Variants in MKX observed in about 807,000 individuals in gnomAD.
MKX encodes the protein homeobox protein Mohawk.
MKX carries 13 observed loss-of-function variants against 36.0 expected under a neutral mutation model. The ratio of observed to expected loss-of-function variants is 0.36; its 90% CI spans 0.24 to 0.57. MKX has a LOEUF of 0.57. MKX is among the 20% of genes least tolerant of loss of function. MKX has a pLI of 0.79. For synonymous variants in MKX, 176 were observed against 178.3 expected (o/e 0.99, Z 0.10); for missense variants, 458 against 456.4 (o/e 1.00, Z -0.03).
intron 5 of MKX, among the ~76,000 whole-genome samples, chr10:27,698,190 T>C (rs1370961536): frequency 2.0e-5 from 3 of 152,148 alleles, no homozygotes; most frequent in Admixed American, 1.3e-4. Flanking sequence ...AGCTGGAAAA[T>C]GAACCGAGAG....
chr10:27,702,262 T>C (rs1455910924), intron 5 of MKX, among the ~76,000 whole-genome samples: 1 of 152,170 alleles, frequency 6.6e-6, no homozygotes, highest in Non-Finnish European at 1.5e-5. Flanking sequence ...TACGAGGTCC[T>C]AAGAGAGAGA....
chr10:27,707,373 G>A (rs534918584), intron 5 of MKX, among the ~76,000 whole-genome samples: 16 of 152,078 alleles, frequency 1.1e-4, no homozygotes, highest in Non-Finnish European at 1.6e-4. Context: ...TTAAAAAAAC[G>A]AAATTGAAAT....
intron 5 of MKX, among the ~76,000 whole-genome samples, chr10:27,733,641 G>T (rs762888899): frequency 7.2e-5 from 11 of 152,110 alleles, no homozygotes; most frequent in Non-Finnish European, 1.0e-4. Context: ...AATCTCATTT[G>T]CTGACATTTT....
In MKX at chr10:27,744,591, G is replaced by T. The variant is rs1835005364; in HGVS notation, c.-82-1094C>A. On this transcript the variant is annotated intron_variant, in intron 1 of 6. Transcript: ENST00000419761. The surrounding 1 kb of genome is among the most constrained non-coding windows in gnomAD (Gnocchi z 5.6). ...CGGACTTCGCCCGCCCCATCTCCTC[G>T]CCTCGCGCCTCGGGACAGCTCCCGT... 6.6e-6 allele frequency among the ~76,000 whole-genome samples: 1 copy of T among 152,072 alleles called. No homozygotes were observed. The highest frequency in any genetic ancestry group is 1.5e-5 in the Non-Finnish European group (1 of 67,988).
chr10:27,676,548 T>C (rs1332708345), intron 5 of MKX, among the ~76,000 whole-genome samples: 1 of 151,952 alleles, frequency 6.6e-6, no homozygotes, highest in Non-Finnish European at 1.5e-5. Context: ...CGGCTAATTT[T>C]TGTATTTTTA....
chr10:27,679,126 T>A (rs1413291554), intron 5 of MKX, among the ~76,000 whole-genome samples: 1 of 146,576 alleles, frequency 6.8e-6, no homozygotes, highest in Admixed American at 6.8e-5. Context: ...TGTCGGGAGG[T>A]GGGGGGCTGG....
In MKX at chr10:27,687,027, C is replaced by T. The variant is rs1445512449; in HGVS notation, c.839-11473G>A. On this transcript the variant is annotated intron_variant, in intron 5 of 6. Transcript: ENST00000419761. ...CCTCTCTCTTTTTTTTTTTTTGAAA[C>T]GGAGTCTCGCTCTGTTGTTCAGGCT... Among the ~76,000 whole-genome samples the T allele has an allele frequency of 1.5e-4, 22 of 148,402 alleles. No individual in the cohort carries two copies. The East Asian group carries it at 2.4e-3, about 16-fold the overall frequency.
At position 27,711,476 on chromosome 10, in the gene MKX, TTTC is replaced by T. The variant is rs1589675895; in HGVS notation, c.838+22977_838+22979del. On this transcript the variant is annotated intron_variant, in intron 5 of 6. Transcript: ENST00000419761. ...CTTTCTTTCTTTCTTTCTTTCTTTC[TTTC>T]TTTCTCTCTCTCTCTCTTCTTTCCT... Among the ~76,000 whole-genome samples, 4 of 6,008 alleles carry T rather than the reference TTTC, an allele frequency of 6.7e-4. No individual in the cohort carries two copies. The East Asian group carries it at 0.011, about 17-fold the overall frequency. 3.9% of individuals were successfully genotyped at this position (6,008 alleles called of 152,430 possible).
intron 5 of MKX, among the ~76,000 whole-genome samples, chr10:27,696,166 T>C (rs1044860482): frequency 6.6e-6 from 1 of 152,128 alleles, no homozygotes; most frequent in Non-Finnish European, 1.5e-5. Flanking sequence ...GGACCTCCGA[T>C]ATTGGGGTTT....
chr10:27,676,202 G>C (rs374767281), intron 5 of MKX, among the ~76,000 whole-genome samples: 50 of 151,668 alleles, frequency 3.3e-4, no homozygotes, highest in African/African-American at 1.0e-3. Flanking sequence ...TGAGCCCAGG[G>C]GGGTGAAGGT....
chr10:27,706,506 T>C (rs1252813382), intron 5 of MKX, among the ~76,000 whole-genome samples: 1 of 151,656 alleles, frequency 6.6e-6, no homozygotes, highest in Non-Finnish European at 1.5e-5. Flanking sequence ...TGCTCAAGGG[T>C]CCTGATTTTT....
chr10:27,725,673 C>T (rs1030857901), intron 5 of MKX, among the ~76,000 whole-genome samples: 50 of 131,552 alleles, frequency 3.8e-4, no homozygotes, highest in African/African-American at 1.2e-3. Flanking sequence ...CTGCAACTAA[C>T]AAAAAAAAAA....
chr10:27,690,750 A>C (rs16928167), intron 5 of MKX, among the ~76,000 whole-genome samples: 2,054 of 152,230 alleles, frequency 0.013, 44 homozygotes, highest in African/African-American at 0.047. Flanking sequence ...GGGCCACTCC[A>C]AGCTCCATAA....
At chr10:27,697,075 T>C (rs1204092876) in intron 5 of MKX, among the ~76,000 whole-genome samples, 1 of 152,234 alleles carries the variant, frequency 6.6e-6, no homozygotes, top group Non-Finnish European at 1.5e-5. Context: ...TTCTCAGATT[T>C]ACTGGTGCAA....
chr10:27,711,506 C>CCTTT (rs1836869464), intron 5 of MKX, among the ~76,000 whole-genome samples: 1 of 20,856 alleles, frequency 4.8e-5, no homozygotes, highest in Non-Finnish European at 1.7e-4. Context: ...TTCTTTCCTT[C>CCTTT]CTTCCTTCCT....
chr10:27,699,582 CA>C (rs1275001687), intron 5 of MKX, among the ~76,000 whole-genome samples: 2 of 152,036 alleles, frequency 1.3e-5, no homozygotes, highest in African/African-American at 2.4e-5. Context: ...GGCACAAAGA[CA>C]AAAAATTGTT....
chr10:27,734,091 C>T (rs2637305), intron 5 of MKX, among the ~76,000 whole-genome samples: 17,003 of 152,096 alleles, frequency 0.11, 1,242 homozygotes, highest in Non-Finnish European at 0.17. Context: ...AGCCAGTATA[C>T]ACCCCCCTAA....
chr10:27,736,514 G>A (rs1283175145), intron 3 of MKX, among the ~76,000 whole-genome samples: 1 of 151,994 alleles, frequency 6.6e-6, no homozygotes, highest in Non-Finnish European at 1.5e-5. Flanking sequence ...AACATGGGAA[G>A]AGAATTAAAT....
At chr10:27,676,544 AT>A (rs1428633934) in intron 5 of MKX, among the ~76,000 whole-genome samples, 3 of 151,590 alleles carry the variant, frequency 2.0e-5, no homozygotes, top group Non-Finnish European at 4.4e-5. Flanking sequence ...AGCCCGGCTA[AT>A]TTTTGTATTT....
Sources: gnomAD v4.1 joint callset for allele counts (sites outside exome capture counted in the v4.1 genomes callset) on GRCh38, gnomAD v4.1.1 for gene constraint, Gnocchi (gnomAD v3.1) non-coding constraint, MANE v1.5 for transcripts, NCBI Gene and HGNC (gene_info 2026-07-23, HGNC 2026-07-21) for gene names.